The following GPRC5A variants were observed in gnomAD, a reference collection of about 807,000 sequenced individuals.
GPRC5A encodes G protein-coupled receptor class C group 5 member A, also known as retinoic acid-induced protein 3.
A neutral mutation model predicts 22.5 loss-of-function variants in GPRC5A; 19 were observed. The ratio of observed to expected loss-of-function variants is 0.85; its 90% CI spans 0.59 to 1.24. The LOEUF is 1.24. Among genes scored for constraint, GPRC5A ranks in the 50% most tolerant of loss-of-function variants. The pLI is 0.00. For missense variants in GPRC5A, 471 were observed against 451.1 expected (o/e 1.04, Z -0.40); for synonymous variants, 192 against 184.5 (o/e 1.04, Z -0.33).
intron 1 of GPRC5A, among the ~76,000 whole-genome samples, chr12:12,906,861 C>T (rs932548703): frequency 7.9e-5 from 12 of 151,954 alleles, no homozygotes; most frequent in Admixed American, 6.6e-5. Context: ...AGTTTGAGAC[C>T]AGCTTGACCA....
intron 1 of GPRC5A, among the ~76,000 whole-genome samples, chr12:12,897,548 G>T (rs3782577): frequency 0.37 from 56,424 of 151,436 alleles, 11,704 homozygotes; most frequent in African/African-American, 0.55. Flanking sequence ...TTGGAGAAAG[G>T]CCTTGAAGCT....
intron 1 of GPRC5A, among the ~76,000 whole-genome samples, chr12:12,904,236 G>T (rs1286631934): frequency 6.6e-6 from 1 of 152,154 alleles, no homozygotes; most frequent in African/African-American, 2.4e-5. Context: ...TGTCAAAGAG[G>T]GGACCAAAGA....
rs910496423 is a variant in GPRC5A, at chr12:12,917,497, T to C, written c.*4958T>C. On this transcript the variant is annotated 3_prime_UTR_variant, in exon 4 of 4. Coordinates refer to ENST00000014914, the MANE Select transcript of GPRC5A (RefSeq NM_003979.4). ...CCGTCAGCACCTGTGTGGTCAATTC[T>C]GGACACTTCCCAGAGAAGTCTTTGA... The C allele has an allele frequency of 3.3e-5, 5 of 152,148 alleles. No individual in the cohort carries two copies. The highest frequency in any genetic ancestry group is 7.2e-5 in the African/African-American group (3 of 41,432). 9.4% of individuals were successfully genotyped at this position (152,148 alleles called of 1,614,324 possible).
At chr12:12,898,195 T>C (rs1373155448) in intron 1 of GPRC5A, among the ~76,000 whole-genome samples, 1 of 152,162 alleles carries the variant, frequency 6.6e-6, no homozygotes, top group Non-Finnish European at 1.5e-5. Context: ...TTTCCTCAGC[T>C]GTTAAAGGAA....
At position 12,912,437 on chromosome 12, in the gene GPRC5A, T is replaced by C; in HGVS notation, c.982-10T>C. ...GAGTGGGTTTCACGATATGACTGTTTCCTTTTCAGAACCAGCCTCCCCAAA... is the reference window on the plus strand; with the variant it reads ...GAGTGGGTTTCACGATATGACTGTTCCCTTTTCAGAACCAGCCTCCCCAAA... On this transcript the variant is annotated splice_polypyrimidine_tract_variant and intron_variant, in intron 3 of 3. Transcript: ENST00000014914. 2 of 1,584,000 alleles carry C rather than the reference T, an allele frequency of 1.3e-6. No homozygotes were observed. The highest frequency in any genetic ancestry group is 3.3e-4 in the Middle Eastern group (2 of 6,010).
intron 1 of GPRC5A, among the ~76,000 whole-genome samples, chr12:12,903,838 A>G (rs1863913802): frequency 1.3e-5 from 2 of 152,344 alleles, no homozygotes; most frequent in South Asian, 2.1e-4. Flanking sequence ...CTGTCTGTCC[A>G]GTACCAGAAC....
chr12:12,898,589 C>G (rs185826987), intron 1 of GPRC5A, among the ~76,000 whole-genome samples: 155 of 152,198 alleles, frequency 1.0e-3, no homozygotes, highest in African/African-American at 3.4e-3. Flanking sequence ...AGGAAACTCT[C>G]AAGAGGACTT....
At chr12:12,893,227 G>A (rs1156732319) in intron 1 of GPRC5A, among the ~76,000 whole-genome samples, 1 of 152,220 alleles carries the variant, frequency 6.6e-6, no homozygotes, top group African/African-American at 2.4e-5. Context: ...TTCCCCTCCT[G>A]TGTTTCGATT....
At chr12:12,905,480 C>T (rs1468900428) in intron 1 of GPRC5A, among the ~76,000 whole-genome samples, 2 of 152,102 alleles carry the variant, frequency 1.3e-5, no homozygotes, top group East Asian at 3.9e-4. Context: ...ATCCCATGCC[C>T]AAAAAGCATG....
At chr12:12,912,177 AT>A in intron 3 of GPRC5A, 35 bp downstream of exon 3, 1 of 1,405,842 alleles carries the variant, frequency 7.1e-7, no homozygotes, top group Non-Finnish European at 1.0e-6. Flanking sequence ...CATCAAAGGC[AT>A]TAGCACCTCA....
In GPRC5A at chr12:12,906,565, C is replaced by A. The variant is rs114194622; in HGVS notation, c.-7-1678C>A. Among the ~76,000 whole-genome samples the A allele has an allele frequency of 2.9e-3, 445 of 152,146 alleles. 4 individuals carry two copies. The highest frequency in any genetic ancestry group is 0.01 in the African/African-American group (432 of 41,536). ...CAGAGCGAGGCTCTGTTCCCCCCAT[C>A]CCCCCAAAAAGGAGTAAAAATTGGA... On this transcript the variant is annotated intron_variant, in intron 1 of 3. Coordinates refer to ENST00000014914, the MANE Select transcript of GPRC5A (RefSeq NM_003979.4).
chr12:12,908,222 T>C, intron 1 of GPRC5A, 21 bp from the exon 2 acceptor site: 1 of 1,487,038 alleles, frequency 6.7e-7, no homozygotes, highest in Non-Finnish European at 9.1e-7. Flanking sequence ...TTCTCCCCAC[T>C]CCAACATTCC....
Position 12,907,918 on chromosome 12 carries a change from C to T in GPRC5A, c.-7-325C>T, listed in dbSNP as rs553459180. Reference sequence around the variant, plus strand: ...CTGGGATTATAGGCATGAGCCAACACGTCCAGCCCTGTGAAGTTTTTTGAG... The same window carrying T: ...CTGGGATTATAGGCATGAGCCAACATGTCCAGCCCTGTGAAGTTTTTTGAG... On this transcript the variant is annotated intron_variant, in intron 1 of 3. Coordinates refer to ENST00000014914, the MANE Select transcript of GPRC5A (RefSeq NM_003979.4). Among the ~76,000 whole-genome samples, 100 of 152,320 alleles carry T rather than the reference C, an allele frequency of 6.6e-4. 1 individual carries two copies. Among genetic ancestry groups the T allele is most frequent in the South Asian group, 3.7e-3 (18 of 4,830 alleles).
intron 1 of GPRC5A, among the ~76,000 whole-genome samples, chr12:12,904,951 T>G (rs1232069637): frequency 1.3e-5 from 2 of 148,928 alleles, no homozygotes; most frequent in Non-Finnish European, 3.0e-5. Flanking sequence ...AGTGGCATGA[T>G]CCCCGCTCAC....
rs1864036663 is a variant in GPRC5A at position 12,914,424 on chromosome 12, TA to T, written c.*1887del. The T allele has an allele frequency of 6.6e-6, 1 of 152,254 alleles. No homozygotes were observed. The highest frequency in any genetic ancestry group is 2.4e-5 in the African/African-American group (1 of 41,450). 9.4% of individuals were successfully genotyped at this position (152,254 alleles called of 1,614,324 possible). A position where few individuals can be genotyped will look rare whatever the true frequency, so the allele number is the denominator to read the frequency against. ...CTGGTCTTTCCCAGGAGGTGTGACCTAATGAGGTTTGTTGTGAGAATAAAGC... is the reference window on the plus strand; with the variant it reads ...CTGGTCTTTCCCAGGAGGTGTGACCTATGAGGTTTGTTGTGAGAATAAAGC... On this transcript the variant is annotated 3_prime_UTR_variant, in exon 4 of 4. Transcript: ENST00000014914.
chr12:12,909,403 A>C (rs1199988570), intron 2 of GPRC5A: 1 of 457,556 alleles, frequency 2.2e-6, no homozygotes, highest in African/African-American at 1.9e-5. Flanking sequence ...ATTGGTGTAG[A>C]CTGGGAGAGC....
At chr12:12,900,923 A>AAAAAAAAAAAAAC (rs1555104732) in intron 1 of GPRC5A, among the ~76,000 whole-genome samples, 8 of 109,878 alleles carry the variant, frequency 7.3e-5, no homozygotes, top group African/African-American at 1.1e-4. Context: ...ACAAAAAAAA[A>AAAAAAAAAAAAAC]ACAACCCAGA....
In GPRC5A at chr12:12,891,682, A is replaced by G. The variant is rs1388678911; in HGVS notation, c.-8+18A>G. 1 of 152,168 alleles carries G rather than the reference A, an allele frequency of 6.6e-6. No homozygotes were observed. Among genetic ancestry groups the G allele is most frequent in the African/African-American group, 2.4e-5 (1 of 41,432 alleles). 9.4% of individuals were successfully genotyped at this position (152,168 alleles called of 1,614,324 possible). A position where few individuals can be genotyped will look rare whatever the true frequency, so the allele number is the denominator to read the frequency against. ...GCACTAGGGTAAGTGAGGCGCCAGG[A>G]GCCCAGAGCGCTGGGGCCTCCGGAT... On this transcript the variant is annotated intron_variant, in intron 1 of 3. Transcript: ENST00000014914.
Position 12,908,241 on chromosome 12 carries a change from A to C in GPRC5A, c.-7-2A>C. 1.3e-6 allele frequency: 2 copies of C among 1,540,016 alleles called. No individual in the cohort carries two copies. Among genetic ancestry groups the C allele is most frequent in the Non-Finnish European group, 1.8e-6 (2 of 1,140,080 alleles). On this transcript the variant is annotated splice_acceptor_variant, in intron 1 of 3. Transcript: ENST00000014914. LOFTEE classifies it low-confidence loss of function (5UTR_SPLICE). Reference sequence around the variant, plus strand: ...CCCCACTCCAACATTCCTTTTCTGCAGGTCCAGAATGGCTACAACAGTCCC... The same window carrying C: ...CCCCACTCCAACATTCCTTTTCTGCCGGTCCAGAATGGCTACAACAGTCCC...
Sources: gnomAD v4.1 joint callset for allele counts (sites outside exome capture counted in the v4.1 genomes callset) on GRCh38, gnomAD v4.1.1 for gene constraint, MANE v1.5 for transcripts, NCBI Gene and HGNC (gene_info 2026-07-23, HGNC 2026-07-21) for gene names.